The following SLC22A23 variants were observed in gnomAD, a reference collection of about 807,000 sequenced individuals.
SLC22A23 encodes the protein solute carrier family 22 member 23.
A neutral mutation model predicts 61.0 loss-of-function variants in SLC22A23; 26 were observed. The observed-to-expected ratio is 0.43, with a 90% CI of 0.31 to 0.59. The LOEUF is 0.59. Among genes scored for constraint, SLC22A23 ranks in the 20% least tolerant of loss-of-function variants. The probability of loss-of-function intolerance (pLI) is 0.11; values close to 1 mark genes in which losing one functional copy is unlikely to be tolerated. For missense variants in SLC22A23, 796 were observed against 934.7 expected, an observed-to-expected ratio of 0.85 and a Z score of 1.94; for synonymous variants, 430 against 413.9, an observed-to-expected ratio of 1.04 and a Z score of -0.47.
At chr6:3,285,574 T>C (rs1759912998) in intron 7 of SLC22A23, among the ~76,000 whole-genome samples, 1 of 151,186 alleles carries the variant, frequency 6.6e-6, no homozygotes, top group Admixed American at 6.6e-5. Context: ...ACCCGGGGGC[T>C]GAGGCACCCT....
chr6:3,271,554 C>T lies in SLC22A23; in HGVS notation c.*1501G>A, dbSNP rs3211066. ...GTCACTTCATTGTCTCACCCAGGCC[C>T]GAGACCACAATTTCCCTGGAAGGAC... On this transcript the variant is annotated 3_prime_UTR_variant, in exon 10 of 10. Coordinates refer to ENST00000406686, the MANE Select transcript of SLC22A23 (RefSeq NM_015482.2). The T allele has an allele frequency of 1.5e-4, 23 of 152,260 alleles. No individual in the cohort carries two copies. The highest frequency in any genetic ancestry group is 2.4e-5 in the African/African-American group (1 of 41,398). The allele number at this position is 152,260 out of a possible 1,614,324, so 9.4% of individuals were successfully genotyped here. A position where few individuals can be genotyped will look rare whatever the true frequency, so the allele number is the denominator to read the frequency against.
chr6:3,405,038 A>T, intron 3 of SLC22A23, among the ~76,000 whole-genome samples: 2 of 151,960 alleles, frequency 1.3e-5, no homozygotes, highest in Non-Finnish European at 1.5e-5. Context: ...AGGCGGGCGG[A>T]TCACGAGGTC....
intron 4 of SLC22A23, among the ~76,000 whole-genome samples, chr6:3,321,280 C>A (rs944368528): frequency 6.6e-5 from 10 of 152,362 alleles, no homozygotes; most frequent in African/African-American, 2.4e-4. Flanking sequence ...GGAGGCAGCA[C>A]AGCCAGTCAC....
At position 3,456,445 on chromosome 6, in the gene SLC22A23, C is replaced by T; in HGVS notation, c.115G>A (p.Gly39Arg). The T allele has an allele frequency of 8.1e-7, 1 of 1,228,298 alleles. No individual in the cohort carries two copies. The highest frequency in any genetic ancestry group is 1.0e-6 in the Non-Finnish European group (1 of 988,258). The allele number at this position is 1,228,298 out of a possible 1,614,324, so 76.1% of individuals were successfully genotyped here. A position where few individuals can be genotyped will look rare whatever the true frequency, so the allele number is the denominator to read the frequency against. The change falls in exon 1 of 10, where the codon GGG becomes AGG. Residue 39 changes from glycine (G) to arginine (R), a missense_variant. Physicochemically the swap from Gly to Arg is moderately radical, Grantham distance 125. Coordinates refer to ENST00000406686, the MANE Select transcript of SLC22A23 (RefSeq NM_015482.2). This position sits in a 1 kb window ranked among gnomAD's most constrained non-coding sequence, Gnocchi z 7.1. ...PGDAAASAPL[G>R]GRAGPGGGAE... ...CCGCCGCCGGGGCCCGCGCGTCCCCCGAGGGGCGCCGAGGCCGCCGCGTCC... is the reference window on the plus strand; with the variant it reads ...CCGCCGCCGGGGCCCGCGCGTCCCCTGAGGGGCGCCGAGGCCGCCGCGTCC...
At chr6:3,445,085 G>A (rs1328625945) in intron 1 of SLC22A23, 1 of 569,864 alleles carries the variant, frequency 1.8e-6, no homozygotes, top group Non-Finnish European at 2.2e-6. Context: ...TCAAGGTCAG[G>A]CAGCACTGAC....
At position 3,360,332 on chromosome 6, in the gene SLC22A23, G is replaced by A. The variant is rs74417847; in HGVS notation, c.914-36330C>T. Among the ~76,000 whole-genome samples the A allele has an allele frequency of 3.1e-3, 475 of 152,330 alleles. 8 individuals carry two copies. Among genetic ancestry groups the A allele is most frequent in the South Asian group, 0.014 (66 of 4,832 alleles). On this transcript the variant is annotated intron_variant, in intron 3 of 9. Transcript: ENST00000406686. This position sits in a 1 kb window ranked among gnomAD's most constrained non-coding sequence, Gnocchi z 4.6. Reference sequence around the variant, plus strand: ...AAACAACAACAAAAAAGGCAAGTCCGTAGTATTGGCCTTTGAGAGCTCTGA... The same window carrying A: ...AAACAACAACAAAAAAGGCAAGTCCATAGTATTGGCCTTTGAGAGCTCTGA...
At chr6:3,421,936 A>G (rs1770168169) in intron 1 of SLC22A23, among the ~76,000 whole-genome samples, 1 of 152,210 alleles carries the variant, frequency 6.6e-6, no homozygotes, top group South Asian at 2.1e-4. Context: ...CACTGACTAA[A>G]GCGAAAAGTG....
intron 3 of SLC22A23, among the ~76,000 whole-genome samples, chr6:3,393,852 C>T (rs749718974): frequency 1.3e-4 from 20 of 152,234 alleles, no homozygotes; most frequent in East Asian, 5.8e-4. Flanking sequence ...AGGATAGGAA[C>T]GAGGCAACGG....
At chr6:3,407,838 C>G (rs9405199) in intron 3 of SLC22A23, among the ~76,000 whole-genome samples, 41,828 of 152,092 alleles carry the variant, frequency 0.28, 6,465 homozygotes, top group Non-Finnish European at 0.34. Flanking sequence ...CACTAAGATA[C>G]ACACAAAATA....
At position 3,328,301 on chromosome 6, in the gene SLC22A23, G is replaced by A. The variant is rs1223971376; in HGVS notation, c.914-4299C>T. Reference sequence around the variant, plus strand: ...GTCTGAGCACAGAGGCCGCCCGGAGGCTTTGATAGAAAAGTGGCATTGTTA... The same window carrying A: ...GTCTGAGCACAGAGGCCGCCCGGAGACTTTGATAGAAAAGTGGCATTGTTA... On this transcript the variant is annotated intron_variant, in intron 3 of 9. Transcript: ENST00000406686. This position sits in a 1 kb window ranked among gnomAD's most constrained non-coding sequence, Gnocchi z 5.0. 2.0e-5 allele frequency among the ~76,000 whole-genome samples: 3 copies of A among 152,228 alleles called. No homozygotes were observed. Among genetic ancestry groups the A allele is most frequent in the Non-Finnish European group, 2.9e-5 (2 of 68,024 alleles).
At position 3,327,456 on chromosome 6, in the gene SLC22A23, T is replaced by C. The variant is rs1159792204; in HGVS notation, c.914-3454A>G. Among the ~76,000 whole-genome samples, 1 of 152,234 alleles carries C rather than the reference T, an allele frequency of 6.6e-6. No individual in the cohort carries two copies. Among genetic ancestry groups the C allele is most frequent in the Admixed American group, 6.5e-5 (1 of 15,288 alleles). On this transcript the variant is annotated intron_variant, in intron 3 of 9. Coordinates refer to ENST00000406686, the MANE Select transcript of SLC22A23 (RefSeq NM_015482.2). The surrounding 1 kb of genome is among the most constrained non-coding windows in gnomAD (Gnocchi z 4.1). The stretch of plus-strand genomic sequence containing the variant: ...ATTTAAGGGCCACAAGAAAGTATCT[T>C]GGGTGATGCATCAAAGATTCAAACA...
At chr6:3,294,843 A>G (rs1225488389) in intron 5 of SLC22A23, among the ~76,000 whole-genome samples, 1 of 152,192 alleles carries the variant, frequency 6.6e-6, no homozygotes, top group Non-Finnish European at 1.5e-5. Context: ...GCTTTAAAAG[A>G]GAAAAGGAAA....
intron 1 of SLC22A23, among the ~76,000 whole-genome samples, chr6:3,431,398 G>A (rs546231209): frequency 6.6e-6 from 1 of 152,374 alleles, no homozygotes; most frequent in African/African-American, 2.4e-5. Flanking sequence ...GCCTGGCTCT[G>A]CAGGGGACAG....
In SLC22A23 at chr6:3,410,427, C is replaced by T. The variant is rs1286421241; in HGVS notation, c.759-85G>A. 7.1e-7 allele frequency: 1 copy of T among 1,405,676 alleles called. No homozygotes were observed. Among genetic ancestry groups the T allele is most frequent in the African/African-American group, 1.4e-5 (1 of 69,304 alleles). 87.1% of individuals were successfully genotyped at this position (1,405,676 alleles called of 1,614,324 possible). On this transcript the variant is annotated intron_variant, in intron 2 of 9. Transcript: ENST00000406686. This position sits in a 1 kb window ranked among gnomAD's most constrained non-coding sequence, Gnocchi z 5.0. ...GCTGAAACCCGGTGTCCAGCAGGCA[C>T]TCAATATATGTTGAATGAGTACTGG...
chr6:3,358,313 T>C (rs1369780507), intron 3 of SLC22A23, among the ~76,000 whole-genome samples: 1 of 151,854 alleles, frequency 6.6e-6, no homozygotes, highest in Non-Finnish European at 1.5e-5. Flanking sequence ...AGCCAAGATA[T>C]GGAAACAACG....
At chr6:3,323,208 A>C in intron 4 of SLC22A23, 1 of 456,046 alleles carries the variant, frequency 2.2e-6, no homozygotes, top group East Asian at 6.9e-5. Flanking sequence ...AGGGGTGGGC[A>C]AGCTATTTTT....
chr6:3,363,966 T>C (rs77794278), intron 3 of SLC22A23, among the ~76,000 whole-genome samples: 5,942 of 152,264 alleles, frequency 0.039, 403 homozygotes, highest in African/African-American at 0.14. Flanking sequence ...CGGGTGTAGT[T>C]GGGTGGGCCC....
chr6:3,277,921 G>T (rs1297884447), intron 9 of SLC22A23, among the ~76,000 whole-genome samples: 1 of 152,226 alleles, frequency 6.6e-6, no homozygotes, highest in East Asian at 1.9e-4. Flanking sequence ...TAGCTTTGAC[G>T]AAGCGAGCTG....
At chr6:3,320,857 C>T (rs1369747213) in intron 4 of SLC22A23, among the ~76,000 whole-genome samples, 1 of 152,082 alleles carries the variant, frequency 6.6e-6, no homozygotes, top group Non-Finnish European at 1.5e-5. Flanking sequence ...ATTTAATATT[C>T]ATGAGTACTT....
Sources: gnomAD v4.1 joint callset for allele counts (sites outside exome capture counted in the v4.1 genomes callset) on GRCh38, gnomAD v4.1.1 for gene constraint, Gnocchi (gnomAD v3.1) non-coding constraint, MANE v1.5 for transcripts, NCBI Gene and HGNC (gene_info 2026-07-23, HGNC 2026-07-21) for gene names.